The following GDPD3 variants were observed in gnomAD, a reference collection of about 807,000 sequenced individuals.
GDPD3 encodes glycerophosphodiester phosphodiesterase domain containing 3.
A neutral mutation model predicts 43.7 loss-of-function variants in GDPD3; 40 were observed. That is an observed-to-expected ratio of 0.91 (90% CI 0.71 to 1.19). The LOEUF (loss-of-function observed/expected upper bound fraction) is 1.19. Ranked by LOEUF, GDPD3 falls within the 50% of genes most tolerant of loss-of-function variation. The pLI, the probability that GDPD3 is intolerant of heterozygous loss-of-function variation, is 0.00. For missense variants in GDPD3, 363 were observed against 415.8 expected (o/e 0.87, Z 1.11); for synonymous variants, 145 against 162.9 (o/e 0.89, Z 0.84).
chr16:30,112,558 A>AG lies in GDPD3; in HGVS notation c.328dup (p.Leu110ProfsTer52). The AG allele has an allele frequency of 6.2e-7, 1 of 1,613,644 alleles. No homozygotes were observed. ...GTAAACCTCCAGCTTCTCCTTGTAG[A>AG]GGGGCAGGTCCTGGGGAGGACAGGA... On this transcript the variant is annotated frameshift_variant, in exon 4 of 10. Transcript: ENST00000406256. LOFTEE classifies it high-confidence loss of function. The surrounding 1 kb of genome is among the most constrained non-coding windows in gnomAD (Gnocchi z 5.4).
chr16:30,113,032 C>T lies in GDPD3; in HGVS notation c.172G>A (p.Ala58Thr). The change falls in exon 2 of 10, where the codon GCC becomes ACC. Residue 58 changes from alanine to threonine, a missense_variant. Physicochemically the swap from Ala to Thr is moderately conservative, Grantham distance 58. Coordinates refer to ENST00000406256, the MANE Select transcript of GDPD3 (RefSeq NM_024307.3). The surrounding 1 kb of genome is among the most constrained non-coding windows in gnomAD (Gnocchi z 5.9). ...SGELLENTMEAMENSMAQRSD... is the reference protein window; with the variant it reads ...SGELLENTMETMENSMAQRSD... ...GGCAGATACACTCACTTCTCCATGG[C>T]CTCCATGGTGTTCTCCAGCAGCTCT... 2 of 1,613,416 alleles carry T rather than the reference C, an allele frequency of 1.2e-6. No individual in the cohort carries two copies.
chr16:30,109,145 T>C (rs1247663371), intron 7 of GDPD3, among the ~76,000 whole-genome samples: 1 of 152,144 alleles, frequency 6.6e-6, no homozygotes, highest in African/African-American at 2.4e-5. Flanking sequence ...AAAATTTTTG[T>C]AGAGACATGT....
intron 7 of GDPD3, among the ~76,000 whole-genome samples, chr16:30,108,912 A>T (rs865923104): frequency 2.0e-5 from 3 of 151,722 alleles, no homozygotes; most frequent in Admixed American, 6.6e-5. Flanking sequence ...GCTCACTGCA[A>T]GCTCCGCCTC....
At position 30,112,606 on chromosome 16, in the gene GDPD3, T is replaced by C. The variant is rs764359103; in HGVS notation, c.319-38A>G. Reference sequence around the variant, plus strand: ...GGAAGGATGTCACTAGAGGCCCGCATTGGGCATGGTGACTCTCAGGGTGGG... The same window carrying C: ...GGAAGGATGTCACTAGAGGCCCGCACTGGGCATGGTGACTCTCAGGGTGGG... On this transcript the variant is annotated intron_variant, in intron 3 of 9. Coordinates refer to ENST00000406256, the MANE Select transcript of GDPD3 (RefSeq NM_024307.3). The surrounding 1 kb of genome is among the most constrained non-coding windows in gnomAD (Gnocchi z 5.4). 1.5e-5 allele frequency: 25 copies of C among 1,613,892 alleles called. No individual in the cohort carries two copies. Among genetic ancestry groups the C allele is most frequent in the South Asian group, 2.2e-5 (2 of 91,084 alleles).
Position 30,112,400 on chromosome 16 carries a change from C to A in GDPD3, c.389G>T (p.Arg130Leu). The change falls in exon 5 of 10, where the codon CGG (arginine) becomes CTG (leucine). Residue 130 changes from arginine to leucine, a missense_variant. By Grantham distance (102) the Arg-to-Leu change is moderately radical. Transcript: ENST00000406256. This position sits in a 1 kb window ranked among gnomAD's most constrained non-coding sequence, Gnocchi z 5.4. ...CAGGTCCTCCAGACGAACCATGCGCCGGTCTGACCCGTGAGCAAAGTGGCC... is the reference window on the plus strand; with the variant it reads ...CAGGTCCTCCAGACGAACCATGCGCAGGTCTGACCCGTGAGCAAAGTGGCC... Reference protein sequence around the residue: ...SPGHFAHGSDRRMVRLEDLFQ... With the variant: ...SPGHFAHGSDLRMVRLEDLFQ... 1.2e-6 allele frequency: 2 copies of A among 1,613,870 alleles called. No individual in the cohort carries two copies. Among genetic ancestry groups the A allele is most frequent in the Non-Finnish European group, 1.7e-6 (2 of 1,179,722 alleles).
chr16:30,113,281 T>C lies in GDPD3; in HGVS notation c.139+59A>G. 1.3e-6 allele frequency: 2 copies of C among 1,544,156 alleles called. No individual in the cohort carries two copies. The highest frequency in any genetic ancestry group is 1.7e-6 in the Non-Finnish European group (2 of 1,143,004). Reference sequence around the variant, plus strand: ...CTGCCCCGTTTCTAGCATGCCCCCTTGGACCTACCCCTCTGTGCTGTCCAC... The same window carrying C: ...CTGCCCCGTTTCTAGCATGCCCCCTCGGACCTACCCCTCTGTGCTGTCCAC... On this transcript the variant is annotated intron_variant, in intron 1 of 9. Transcript: ENST00000406256. The surrounding 1 kb of genome is among the most constrained non-coding windows in gnomAD (Gnocchi z 5.9).
Position 30,113,063 on chromosome 16 carries a change from T to A in GDPD3, c.141A>T (p.Gly47=), listed in dbSNP as rs748187597. Residue 47 remains glycine, a splice_region_variant and synonymous_variant, in exon 2 of 10, where the codon GGA becomes GGT. Transcript: ENST00000406256. This position sits in a 1 kb window ranked among gnomAD's most constrained non-coding sequence, Gnocchi z 5.9. ...TGGTGTTCTCCAGCAGCTCTCCAGA[T>A]CCTGTGGGGGGCACTGGAGTGGGCC... ...FRIRLGAHRG[G]SGELLENTME... is the part of the protein sequence containing the mutation. The A allele has an allele frequency of 6.8e-5, 110 of 1,612,922 alleles. 1 individual carries two copies. In the South Asian group the frequency reaches 9.0e-4, roughly 13 times the overall value.
chr16:30,108,226 T>G lies in GDPD3; in HGVS notation c.806A>C (p.Glu269Ala), dbSNP rs866548784. The G allele has an allele frequency of 1.9e-6, 3 of 1,605,258 alleles. No homozygotes were observed. The highest frequency in any genetic ancestry group is 1.7e-4 in the Middle Eastern group (1 of 5,862). The change falls in exon 9 of 10, where the codon GAG (glutamate) becomes GCG (alanine). Residue 269 changes from glutamate (E) to alanine (A), a missense_variant. Transcript: ENST00000406256. The part of the protein sequence containing the change: ...MRKSLIRHLE[E>A]RGVQVVFWCL... ...TCACGGCCTCACCTGCACCCCTCGC[T>G]CCTCCAAGTGTCGGATCAGACTCTT...
At chr16:30,111,570 G>A in intron 6 of GDPD3, 49 bp from the exon 7 acceptor site, 2 of 1,604,606 alleles carry the variant, frequency 1.2e-6, no homozygotes, top group Non-Finnish European at 1.7e-6. Flanking sequence ...TGGGGAAGCA[G>A]AGAGGAGGCA....
At chr16:30,108,977 G>A (rs534466769) in intron 7 of GDPD3, among the ~76,000 whole-genome samples, 20 of 151,548 alleles carry the variant, frequency 1.3e-4, no homozygotes, top group South Asian at 6.3e-4. Flanking sequence ...GACTACAGGT[G>A]CCCGCCACCA....
Position 30,104,995 on chromosome 16 carries a change from G to C in GDPD3, c.834C>G (p.Cys278Trp). 1 of 1,609,732 alleles carries C rather than the reference G, an allele frequency of 6.2e-7. No homozygotes were observed. Among genetic ancestry groups the C allele is most frequent in the East Asian group, 2.2e-5 (1 of 44,810 alleles). Reference sequence around the variant, plus strand: ...CTTCAAAATCCGACTCTTCATTAAGGCACCAAAAGACCACCTGAGCAGGGA... The same window carrying C: ...CTTCAAAATCCGACTCTTCATTAAGCCACCAAAAGACCACCTGAGCAGGGA... ...EERGVQVVFW[C>W]LNEESDFEAA... Residue 278 changes from cysteine (C) to tryptophan (W), a missense_variant, in exon 10 of 10, where the codon TGC becomes TGG. Coordinates refer to ENST00000406256, the MANE Select transcript of GDPD3 (RefSeq NM_024307.3).
At chr16:30,108,529 C>A in intron 7 of GDPD3, 97 bp from the exon 8 acceptor site, 1 of 1,032,528 alleles carries the variant, frequency 9.7e-7, no homozygotes, top group Admixed American at 1.7e-5. Context: ...GGTAGCGCTG[C>A]CCTCCCACCC....
At chr16:30,107,075 C>T (rs1244070109) in intron 9 of GDPD3, among the ~76,000 whole-genome samples, 2 of 151,654 alleles carry the variant, frequency 1.3e-5, no homozygotes, top group Admixed American at 1.3e-4. Context: ...CCTCCCTCTC[C>T]CTGTCTCTGG....
rs529020605 is a variant in GDPD3 at position 30,113,406 on chromosome 16, G to A, written c.73C>T (p.Arg25Trp). The change falls in exon 1 of 10, where the codon CGG becomes TGG. Residue 25 changes from arginine (R) to tryptophan (W), a missense_variant. Physicochemically the swap from Arg to Trp is moderately radical, Grantham distance 101. Coordinates refer to ENST00000406256, the MANE Select transcript of GDPD3 (RefSeq NM_024307.3). This position sits in a 1 kb window ranked among gnomAD's most constrained non-coding sequence, Gnocchi z 5.9. ...CTGGGCGTGTGCAGCAGATGAGGCC[G>A]GCGCAGGAAGAAGATGGAGAGCATG... is the stretch of plus-strand genomic sequence containing the variant. ...YAMLSIFFLRRPHLLHTPRAP... is the reference protein window; with the variant it reads ...YAMLSIFFLRWPHLLHTPRAP... 1.9e-5 allele frequency: 31 copies of A among 1,612,530 alleles called. No homozygotes were observed. The highest frequency in any genetic ancestry group is 1.7e-4 in the Middle Eastern group (1 of 6,046).
At position 30,104,923 on chromosome 16, in the gene GDPD3, T is replaced by C; in HGVS notation, c.906A>G (p.Thr302=). The C allele has an allele frequency of 6.2e-7, 1 of 1,612,782 alleles. No homozygotes were observed. Among genetic ancestry groups the C allele is most frequent in the Non-Finnish European group, 8.5e-7 (1 of 1,179,988 alleles). Residue 302 remains threonine (T), a synonymous_variant, in exon 10 of 10, where the codon ACA becomes ACG. Transcript: ENST00000406256. ...GGTTGTCCAGGTAGTGCCGCAGGGC[T>C]GTGGGATAATCCGTTATGACGCCAG... ...GATGVITDYP[T]ALRHYLDNHG...
intron 7 of GDPD3, 87 bp downstream of exon 7, chr16:30,111,301 G>T: frequency 6.9e-7 from 1 of 1,444,800 alleles, no homozygotes; most frequent in Non-Finnish European, 9.5e-7. Context: ...TCTGAGGGGA[G>T]CTGGGGAGCT....
intron 9 of GDPD3, among the ~76,000 whole-genome samples, chr16:30,105,944 C>T (rs2072857671): frequency 6.6e-6 from 1 of 151,194 alleles, no homozygotes. Flanking sequence ...AATCCCATCT[C>T]TACTAAAAAC....
In GDPD3 at chr16:30,112,131, C is replaced by G. The variant is rs199627314; in HGVS notation, c.573+1G>C. 11 of 1,612,646 alleles carry G rather than the reference C, an allele frequency of 6.8e-6. No homozygotes were observed. Among genetic ancestry groups the G allele is most frequent in the Non-Finnish European group, 9.3e-6 (11 of 1,179,024 alleles). Reference sequence around the variant, plus strand: ...GACGGGGGAGGGGTGGGGGGACTCACGGCAGCCTTGCATTTCTTCATGACC... The same window carrying G: ...GACGGGGGAGGGGTGGGGGGACTCAGGGCAGCCTTGCATTTCTTCATGACC... On this transcript the variant is annotated splice_donor_variant, in intron 6 of 9. Coordinates refer to ENST00000406256, the MANE Select transcript of GDPD3 (RefSeq NM_024307.3). LOFTEE classifies it high-confidence loss of function. This position sits in a 1 kb window ranked among gnomAD's most constrained non-coding sequence, Gnocchi z 5.4.
chr16:30,111,865 A>G (rs2072901998), intron 6 of GDPD3: 2 of 553,004 alleles, frequency 3.6e-6, no homozygotes, highest in East Asian at 3.2e-5. Context: ...CCCAGGAGGC[A>G]GAGGTTGCAG....
Sources: allele counts gnomAD v4.1 joint callset (sites outside exome capture counted in the v4.1 genomes callset), GRCh38; gene constraint gnomAD v4.1.1; non-coding constraint Gnocchi (gnomAD v3.1); transcripts MANE v1.5; gene names NCBI Gene and HGNC (gene_info 2026-07-23, HGNC 2026-07-21).